PHF20: variants seen among roughly 807,000 people sequenced by gnomAD.
PHF20 encodes glioma-expressed antigen 2.
A neutral mutation model predicts 113.5 loss-of-function variants in PHF20; 23 were observed. The ratio of observed to expected loss-of-function variants is 0.20; its 90% CI spans 0.15 to 0.29. PHF20 has a LOEUF of 0.29. PHF20 is among the 10% of genes least tolerant of loss of function. The pLI is 1.00. For synonymous variants in PHF20, 434 were observed against 457.3 expected, an observed-to-expected ratio of 0.95 and a Z score of 0.65; for missense variants, 943 against 1,219.6, an observed-to-expected ratio of 0.77 and a Z score of 3.38.
At chr20:35,903,937 C>T (rs2055151078) in intron 10 of PHF20, among the ~76,000 whole-genome samples, 1 of 152,184 alleles carries the variant, frequency 6.6e-6, no homozygotes, top group Non-Finnish European at 1.5e-5. Flanking sequence ...CCCATCAAAG[C>T]CTTGCCCCAG....
intron 4 of PHF20, chr20:35,855,179 G>C (rs1467210036): frequency 1.1e-6 from 1 of 925,910 alleles, no homozygotes; most frequent in Non-Finnish European, 1.4e-6. Context: ...GTTGCACCAT[G>C]GTTGCTTGAG....
intron 15 of PHF20, among the ~76,000 whole-genome samples, chr20:35,936,056 C>T (rs1244331896): frequency 1.3e-5 from 2 of 152,134 alleles, no homozygotes; most frequent in Admixed American, 6.5e-5. Context: ...GTCATGCTTG[C>T]GAGAAGTAGC....
intron 13 of PHF20, among the ~76,000 whole-genome samples, chr20:35,924,488 C>T (rs1368421488): frequency 6.6e-6 from 1 of 152,140 alleles, no homozygotes; most frequent in African/African-American, 2.4e-5. Context: ...ACCACTGTGC[C>T]TGGCCGCATG....
intron 2 of PHF20, among the ~76,000 whole-genome samples, chr20:35,841,401 C>G (rs2042533297): frequency 6.6e-6 from 1 of 151,924 alleles, no homozygotes; most frequent in East Asian, 1.9e-4. Flanking sequence ...ATACAGTGTT[C>G]TGAATCATAT....
intron 9 of PHF20, among the ~76,000 whole-genome samples, chr20:35,872,289 G>T (rs1313503626): frequency 6.6e-6 from 1 of 152,022 alleles, no homozygotes; most frequent in Non-Finnish European, 1.5e-5. Flanking sequence ...TTGGGAGGCC[G>T]AGGTGGGTGG....
chr20:35,857,574 TTTTTTTTTTTTTG>T (rs1263977367), intron 4 of PHF20, among the ~76,000 whole-genome samples: 83 of 130,958 alleles, frequency 6.3e-4, no homozygotes, highest in African/African-American at 2.4e-3. Context: ...TTTTTTTTTT[TTTTTTTTTTTTTG>T]TTTTTTTTTT....
intron 9 of PHF20, among the ~76,000 whole-genome samples, chr20:35,879,783 C>CAA (rs58553871): frequency 1.0e-3 from 108 of 108,202 alleles, no homozygotes; most frequent in Middle Eastern, 4.4e-3. Context: ...CCCATCTCTC[C>CAA]AAAAAAAAAA....
intron 3 of PHF20, among the ~76,000 whole-genome samples, chr20:35,843,289 A>AC (rs1366772506): frequency 1.3e-5 from 2 of 151,410 alleles, no homozygotes; most frequent in African/African-American, 4.9e-5. Flanking sequence ...GGAGGCGGAG[A>AC]CAGGCAAATC....
At chr20:35,854,695 G>A (rs951043471) in intron 4 of PHF20, among the ~76,000 whole-genome samples, 1 of 152,136 alleles carries the variant, frequency 6.6e-6, no homozygotes, top group South Asian at 2.1e-4. Flanking sequence ...TAGCACCTTT[G>A]GCCATAGTTT....
rs550309384 is a variant in PHF20, at chr20:35,781,355, T to G, written c.-33+9276T>G. Among the ~76,000 whole-genome samples, 3 of 149,026 alleles carry G rather than the reference T, an allele frequency of 2.0e-5. No individual in the cohort carries two copies. In the South Asian group the frequency reaches 6.5e-4, roughly 32 times the overall value. On this transcript the variant is annotated intron_variant, in intron 1 of 17. Transcript: ENST00000374012. The stretch of plus-strand genomic sequence containing the variant: ...GACGGGTTTCACCGTATTAGCCAGG[T>G]TGGTCTCCGCCCGCCTCAGCCTCCC...
Position 35,876,970 on chromosome 20 carries a change from G to A in PHF20, c.1282+5141G>A, listed in dbSNP as rs377555611. ...AAATACAAAAAAATTGGCCGGGCGT[G>A]GTGGCTGGCGCCTGTAGTCCCAGCT... On this transcript the variant is annotated intron_variant, in intron 9 of 17. Coordinates refer to ENST00000374012, the MANE Select transcript of PHF20 (RefSeq NM_016436.5). 3.0e-4 allele frequency among the ~76,000 whole-genome samples: 45 copies of A among 151,946 alleles called. 1 individual carries two copies. The Middle Eastern group carries it at 0.017, about 58-fold the overall frequency.
intron 4 of PHF20, chr20:35,849,412 A>G: frequency 4.2e-6 from 2 of 470,596 alleles, no homozygotes; most frequent in South Asian, 3.1e-5. Context: ...ACCTGCTTCA[A>G]AGTAGAATGA....
intron 2 of PHF20, among the ~76,000 whole-genome samples, chr20:35,817,856 C>T (rs1318864023): frequency 6.6e-6 from 1 of 151,706 alleles, no homozygotes; most frequent in African/African-American, 2.4e-5. Flanking sequence ...GCCTGTGATC[C>T]TAGCATGTTT....
chr20:35,811,741 A>G (rs1289020032), intron 2 of PHF20, among the ~76,000 whole-genome samples: 1 of 139,070 alleles, frequency 7.2e-6, no homozygotes, highest in Non-Finnish European at 1.6e-5. Context: ...TGCCCGGCCC[A>G]GTCCCTGCTT....
intron 1 of PHF20, among the ~76,000 whole-genome samples, chr20:35,787,870 T>C (rs986576684): frequency 2.0e-4 from 10 of 49,860 alleles, no homozygotes; most frequent in African/African-American, 4.0e-4. Flanking sequence ...AACCTCCGCC[T>C]GGGTTCAAGT....
chr20:35,821,963 A>T (rs2042176083), intron 2 of PHF20, among the ~76,000 whole-genome samples: 1 of 152,156 alleles, frequency 6.6e-6, no homozygotes. Context: ...CTTCAGTAGA[A>T]CTAGGTTCTA....
intron 1 of PHF20, among the ~76,000 whole-genome samples, chr20:35,781,186 C>T (rs1011396194): frequency 3.3e-5 from 5 of 150,854 alleles, no homozygotes; most frequent in Non-Finnish European, 7.4e-5. Context: ...CTCTGTCACC[C>T]AGGCTGAAGT....
intron 14 of PHF20, among the ~76,000 whole-genome samples, chr20:35,930,450 A>G (rs1050873773): frequency 1.3e-5 from 2 of 152,134 alleles, no homozygotes; most frequent in African/African-American, 4.8e-5. Context: ...CAACTTTGGG[A>G]AGTAGCAGAA....
chr20:35,886,139 CTTTTT>C (rs199904992), intron 9 of PHF20, among the ~76,000 whole-genome samples: 2 of 137,466 alleles, frequency 1.5e-5, no homozygotes, highest in Admixed American at 7.3e-5. Context: ...TCAGTAAATA[CTTTTT>C]TTTTTTTTTT....
Sources: allele counts gnomAD v4.1 joint callset (sites outside exome capture counted in the v4.1 genomes callset), GRCh38; gene constraint gnomAD v4.1.1; transcripts MANE v1.5; gene names NCBI Gene and HGNC (gene_info 2026-07-23, HGNC 2026-07-21).